NEK10: variants seen among roughly 807,000 people sequenced by gnomAD.
NEK10 encodes the protein serine/threonine-protein kinase Nek10.
In NEK10, 122 loss-of-function variants were observed where a neutral mutation model predicts 159.8. The observed-to-expected ratio is 0.76, with a 90% CI of 0.66 to 0.89. The LOEUF is 0.89. Ranked by LOEUF, NEK10 falls within the 40% of genes least tolerant of loss-of-function variation. NEK10 has a pLI of 0.00. For missense variants in NEK10, 1,342 were observed against 1,323.1 expected, an observed-to-expected ratio of 1.01 and a Z score of -0.22; for synonymous variants, 466 against 457.1, an observed-to-expected ratio of 1.02 and a Z score of -0.25.
chr3:27,284,774 C>A (rs2042453938), intron 21 of NEK10, 66 bp downstream of exon 21: 1 of 1,528,420 alleles, frequency 6.5e-7, no homozygotes, highest in Non-Finnish European at 9.1e-7. Flanking sequence ...GACTACTGCA[C>A]GTCTTTAAGA....
chr3:27,323,403 T>C (rs1333454994), intron 5 of NEK10, among the ~76,000 whole-genome samples: 1 of 152,032 alleles, frequency 6.6e-6, no homozygotes, highest in African/African-American at 2.4e-5. Context: ...CTGAGGGTGG[T>C]TGGTGCAAGT....
At chr3:27,267,464 C>T (rs1403101986) in intron 22 of NEK10, among the ~76,000 whole-genome samples, 1 of 152,164 alleles carries the variant, frequency 6.6e-6, no homozygotes, top group Non-Finnish European at 1.5e-5. Context: ...ATTTTTTCAA[C>T]AGCATCTGCT....
In NEK10 at chr3:27,256,318, C is replaced by A; in HGVS notation, c.2068G>T (p.Val690Phe). Residue 690 changes from valine to phenylalanine, a missense_variant, in exon 23 of 36, where the codon GTT becomes TTT. Coordinates refer to ENST00000691995, the MANE Select transcript of NEK10 (RefSeq NM_001394966.1). ...TACCAAGAATACAGGATTGTTCCAA[C>A]CACAGAGGTGAGTTTACTGTTTTCT... is the stretch of plus-strand genomic sequence containing the variant. ...KQENSKLTSV[V>F]GTILYSCPEV... 6.4e-7 allele frequency: 1 copy of A among 1,562,524 alleles called. No individual in the cohort carries two copies. The highest frequency in any genetic ancestry group is 2.4e-5 in the East Asian group (1 of 42,188).
intron 22 of NEK10, among the ~76,000 whole-genome samples, chr3:27,263,114 G>A (rs533216795): frequency 3.4e-4 from 52 of 152,326 alleles, no homozygotes; most frequent in Admixed American, 1.4e-3. Flanking sequence ...TATCAGCAGC[G>A]GAGGCTGCAG....
intron 13 of NEK10, among the ~76,000 whole-genome samples, chr3:27,298,827 A>G (rs1575638916): frequency 6.6e-6 from 1 of 152,180 alleles, no homozygotes; most frequent in East Asian, 1.9e-4. Flanking sequence ...CCCCTGCCCT[A>G]GAGATCTGTG....
chr3:27,312,514 T>C (rs1351748845), intron 7 of NEK10, among the ~76,000 whole-genome samples: 1 of 152,208 alleles, frequency 6.6e-6, no homozygotes. Context: ...ATACATAGTA[T>C]ATAGAATGTT....
chr3:27,334,913 T>C (rs1035296824), intron 5 of NEK10, among the ~76,000 whole-genome samples: 1 of 152,114 alleles, frequency 6.6e-6, no homozygotes, highest in Admixed American at 6.5e-5. Flanking sequence ...CAGAAAATCA[T>C]GGAAAAAGAA....
intron 22 of NEK10, among the ~76,000 whole-genome samples, chr3:27,263,763 C>T (rs1308346812): frequency 6.6e-6 from 1 of 152,194 alleles, no homozygotes; most frequent in African/African-American, 2.4e-5. Flanking sequence ...CCTTACACTT[C>T]CCGGGTGAGG....
intron 23 of NEK10, among the ~76,000 whole-genome samples, chr3:27,208,747 T>G (rs776436347): frequency 6.6e-6 from 1 of 152,182 alleles, no homozygotes. Flanking sequence ...TATTAATTCA[T>G]GTATGTCTGC....
chr3:27,336,658 TG>T (rs2046823765), intron 5 of NEK10, among the ~76,000 whole-genome samples: 1 of 152,092 alleles, frequency 6.6e-6, no homozygotes, highest in South Asian at 2.1e-4. Context: ...TATGACCAAG[TG>T]GGATTTACAC....
chr3:27,252,182 C>A (rs763299145), intron 23 of NEK10: 9 of 499,528 alleles, frequency 1.8e-5, no homozygotes, highest in Middle Eastern at 3.2e-4. Context: ...GAGAGACACA[C>A]TATAAGCCAA....
At chr3:27,365,968 A>C (rs2149912412) in intron 1 of NEK10, among the ~76,000 whole-genome samples, 1 of 152,176 alleles carries the variant, frequency 6.6e-6, no homozygotes, top group Admixed American at 6.5e-5. Context: ...TTCATCTAGA[A>C]GATGAAATCT....
At chr3:27,259,760 T>C (rs545293181) in intron 22 of NEK10, among the ~76,000 whole-genome samples, 11 of 152,262 alleles carry the variant, frequency 7.2e-5, no homozygotes, top group African/African-American at 2.4e-4. Context: ...GTGAAGAAAA[T>C]CATTGGTAGC....
At chr3:27,142,509 A>T (rs544903459) in intron 30 of NEK10, among the ~76,000 whole-genome samples, 7 of 141,014 alleles carry the variant, frequency 5.0e-5, no homozygotes, top group South Asian at 4.5e-4. Context: ...ATTTCCTTTT[A>T]AAAAAAAAAA....
chr3:27,185,197 G>A (rs1948500819), intron 26 of NEK10, among the ~76,000 whole-genome samples: 1 of 152,154 alleles, frequency 6.6e-6, no homozygotes, highest in Non-Finnish European at 1.5e-5. Context: ...CTCCAAAGTA[G>A]ATGGAATTTA....
rs527857530 is a variant in NEK10, at chr3:27,321,091, C to T, written c.447+1086G>A. Among the ~76,000 whole-genome samples the T allele has an allele frequency of 1.1e-4, 17 of 151,872 alleles. No homozygotes were observed. The East Asian group carries it at 2.9e-3, about 26-fold the overall frequency. ...TCAAATAACAATTCATCAATAAAAT[C>T]GAGTTCAAAATTAAAGGTGTGAGCT... On this transcript the variant is annotated intron_variant, in intron 6 of 35. Coordinates refer to ENST00000691995, the MANE Select transcript of NEK10 (RefSeq NM_001394966.1).
At chr3:27,183,370 C>G (rs1410091092) in intron 26 of NEK10, among the ~76,000 whole-genome samples, 1 of 148,720 alleles carries the variant, frequency 6.7e-6, no homozygotes, top group African/African-American at 2.5e-5. Context: ...AGAAGTGATG[C>G]TGGAAAAACT....
At chr3:27,190,051 C>G (rs1043695551) in intron 26 of NEK10, among the ~76,000 whole-genome samples, 1 of 152,112 alleles carries the variant, frequency 6.6e-6, no homozygotes, top group African/African-American at 2.4e-5. Flanking sequence ...CTAACAAAAG[C>G]TATGCTCATT....
intron 26 of NEK10, among the ~76,000 whole-genome samples, chr3:27,177,646 C>A (rs1317299403): frequency 6.6e-6 from 1 of 152,094 alleles, no homozygotes; most frequent in African/African-American, 2.4e-5. Flanking sequence ...AAACCATATG[C>A]CACACATTTT....
Sources: allele counts gnomAD v4.1 joint callset (sites outside exome capture counted in the v4.1 genomes callset), GRCh38; gene constraint gnomAD v4.1.1; transcripts MANE v1.5; gene names NCBI Gene and HGNC (gene_info 2026-07-23, HGNC 2026-07-21).